Variants in GATC observed in about 807,000 individuals in gnomAD.
GATC encodes glutamyl-tRNA amidotransferase subunit C.
A neutral mutation model predicts 14.4 loss-of-function variants in GATC; 11 were observed. The ratio of observed to expected loss-of-function variants is 0.77; its 90% CI spans 0.48 to 1.27. The LOEUF (loss-of-function observed/expected upper bound fraction) is 1.27, where lower values mean the gene tolerates loss of function less well. Ranked by LOEUF, GATC falls within the 50% of genes most tolerant of loss-of-function variation. The pLI is 0.00. For synonymous variants in GATC, 76 were observed against 79.3 expected (o/e 0.96, Z 0.22); for missense variants, 204 against 183.0 (o/e 1.11, Z -0.66).
At position 120,462,460 on chromosome 12, in the gene GATC, A is replaced by G; in HGVS notation, c.*2501A>G. On this transcript the variant is annotated 3_prime_UTR_variant, in exon 4 of 4. Coordinates refer to ENST00000551765, the MANE Select transcript of GATC (RefSeq NM_176818.3). ...CTATGATAAACAATATATCTGAATT[A>G]CTGCCATTGACCCCCCTCAAAGCTA... The G allele has an allele frequency of 4.2e-6, 1 of 235,704 alleles. No individual in the cohort carries two copies. The highest frequency in any genetic ancestry group is 6.9e-5 in the South Asian group (1 of 14,532). 14.6% of individuals were successfully genotyped at this position (235,704 alleles called of 1,614,324 possible).
intron 2 of GATC, among the ~76,000 whole-genome samples, chr12:120,447,052 CTTTGT>C (rs1480115430): frequency 0.016 from 1,226 of 74,524 alleles, 58 homozygotes; most frequent in Admixed American, 0.1. Flanking sequence ...TAATCACTGC[CTTTGT>C]TTTTTTTTTT....
In GATC at chr12:120,461,639, G is replaced by A. The variant is rs1282687621; in HGVS notation, c.*1680G>A. 1 of 155,134 alleles carries A rather than the reference G, an allele frequency of 6.4e-6. No individual in the cohort carries two copies. The highest frequency in any genetic ancestry group is 2.4e-5 in the African/African-American group (1 of 41,484). 9.6% of individuals were successfully genotyped at this position (155,134 alleles called of 1,614,324 possible). A position where few individuals can be genotyped will look rare whatever the true frequency, so the allele number is the denominator to read the frequency against. ...TTAGTGTGCCTATTTGGTGAAATCT[G>A]TGAACTTAATCAAGGACAACCACAC... On this transcript the variant is annotated 3_prime_UTR_variant, in exon 4 of 4. Coordinates refer to ENST00000551765, the MANE Select transcript of GATC (RefSeq NM_176818.3).
In GATC at chr12:120,446,778, G is replaced by A; in HGVS notation, c.203G>A (p.Arg68His). The change falls in exon 2 of 4, where the codon CGC becomes CAC. Residue 68 changes from arginine (R) to histidine (H), a missense_variant. By Grantham distance (29) the Arg-to-His change is conservative. Coordinates refer to ENST00000551765, the MANE Select transcript of GATC (RefSeq NM_176818.3). ...EKAIAFADRL[R>H]AVDTDGVEPM... ...GCTATCGCCTTCGCCGACCGGCTAC[G>A]CGCCGTGGACACAGACGGGGTGGAG... 2 of 1,613,932 alleles carry A rather than the reference G, an allele frequency of 1.2e-6. No individual in the cohort carries two copies. Among genetic ancestry groups the A allele is most frequent in the Non-Finnish European group, 1.7e-6 (2 of 1,180,034 alleles).
rs2137047250 is a variant in GATC, at chr12:120,460,855, A to G, written c.*896A>G. 1 of 152,150 alleles carries G rather than the reference A, an allele frequency of 6.6e-6. No homozygotes were observed. The highest frequency in any genetic ancestry group is 1.5e-5 in the Non-Finnish European group (1 of 68,012). 9.4% of individuals were successfully genotyped at this position (152,150 alleles called of 1,614,324 possible). A position where few individuals can be genotyped will look rare whatever the true frequency, so the allele number is the denominator to read the frequency against. The stretch of plus-strand genomic sequence containing the variant: ...CTCATCTCTACTAAAAATACAAAAA[A>G]TTAGCTGGGTGTGATGACAGGTGCC... On this transcript the variant is annotated 3_prime_UTR_variant, in exon 4 of 4. Coordinates refer to ENST00000551765, the MANE Select transcript of GATC (RefSeq NM_176818.3).
chr12:120,446,971 G>A, intron 2 of GATC, 142 bp downstream of exon 2: 1 of 730,222 alleles, frequency 1.4e-6, no homozygotes, highest in South Asian at 2.0e-5. Flanking sequence ...TCGCGAGTCA[G>A]TGGCTTCACT....
rs775156072 is a variant in GATC at position 120,462,056 on chromosome 12, C to T, written c.*2097C>T. 1 of 1,611,886 alleles carries T rather than the reference C, an allele frequency of 6.2e-7. No individual in the cohort carries two copies. The highest frequency in any genetic ancestry group is 1.1e-5 in the South Asian group (1 of 90,960). On this transcript the variant is annotated 3_prime_UTR_variant, in exon 4 of 4. Transcript: ENST00000551765. ...GAAAGGAGAGAAGTAGTGTGGGGAA[C>T]CCCTGCTTTGGTATGGAGAGTCACG... is the stretch of plus-strand genomic sequence containing the variant.
intron 2 of GATC, 55 bp from the exon 3 acceptor site, chr12:120,457,021 T>C: frequency 8.9e-7 from 1 of 1,127,186 alleles, no homozygotes; most frequent in Non-Finnish European, 1.4e-6. Flanking sequence ...CTCTCCATCA[T>C]CCCCTAAAAG....
chr12:120,460,255 C>G lies in GATC; in HGVS notation c.*296C>G, dbSNP rs185444465. On this transcript the variant is annotated 3_prime_UTR_variant, in exon 4 of 4. Transcript: ENST00000551765. ...ATTATTTATCTGCCTTTAACTCCCC[C>G]CAAAGGACCATACCAACTGCATGAA... 5.9e-5 allele frequency: 15 copies of G among 252,132 alleles called. No individual in the cohort carries two copies. Among genetic ancestry groups the G allele is most frequent in the Middle Eastern group, 1.3e-3 (1 of 758 alleles). 15.6% of individuals were successfully genotyped at this position (252,132 alleles called of 1,614,324 possible).
chr12:120,449,453 TTTG>T (rs1333800350), intron 2 of GATC, among the ~76,000 whole-genome samples: 1 of 151,978 alleles, frequency 6.6e-6, no homozygotes, highest in Non-Finnish European at 1.5e-5. Flanking sequence ...TTTGTTTTGT[TTTG>T]TTTTGTTTTT....
rs71451885 is a variant in GATC at position 120,448,642 on chromosome 12, C to CTTTTT, written c.254+1830_254+1834dup. Among the ~76,000 whole-genome samples, 68 of 87,454 alleles carry CTTTTT rather than the reference C, an allele frequency of 7.8e-4. 1 individual carries two copies. Among genetic ancestry groups the CTTTTT allele is most frequent in the African/African-American group, 3.1e-3 (60 of 19,442 alleles). 57.4% of individuals were successfully genotyped at this position (87,454 alleles called of 152,430 possible). On this transcript the variant is annotated intron_variant, in intron 2 of 3. Transcript: ENST00000551765. ...CTGCACTGGCCAAAAAAGTCCATTC[C>CTTTTT]TTTTTTTTTTTTTTTTTTTTTGAGA...
Position 120,446,522 on chromosome 12 carries a change from G to A in GATC, c.42G>A (p.Leu14=). ...RLVWLGLRAP[L]GGRQGFTSKA... ...TGTGGCTGGGCCTTCGGGCCCCTCT[G>A]GGCGGGCGCCAGGGCTTCACCTCCA... The change falls in exon 1 of 4, where the codon CTG becomes CTA. Residue 14 remains leucine (L), a synonymous_variant. Coordinates refer to ENST00000551765, the MANE Select transcript of GATC (RefSeq NM_176818.3). The A allele has an allele frequency of 1.2e-6, 2 of 1,603,266 alleles. No homozygotes were observed. Among genetic ancestry groups the A allele is most frequent in the Non-Finnish European group, 1.7e-6 (2 of 1,174,074 alleles).
Position 120,463,194 on chromosome 12 carries a change from C to G in GATC, c.*3235C>G, listed in dbSNP as rs1417604736. 1 of 152,114 alleles carries G rather than the reference C, an allele frequency of 6.6e-6. No homozygotes were observed. The highest frequency in any genetic ancestry group is 1.5e-5 in the Non-Finnish European group (1 of 68,024). The allele number at this position is 152,114 out of a possible 1,614,324, so 9.4% of individuals were successfully genotyped here. ...TCACCACCTCAATCAAACTGAGATC[C>G]AAAACAGCAGCTGCTTTCCTACAAG... On this transcript the variant is annotated 3_prime_UTR_variant, in exon 4 of 4. Transcript: ENST00000551765.
intron 2 of GATC, among the ~76,000 whole-genome samples, chr12:120,451,672 G>T (rs1271934413): frequency 1.3e-5 from 2 of 150,998 alleles, no homozygotes; most frequent in Non-Finnish European, 2.9e-5. Flanking sequence ...AACCTGGGGA[G>T]CAGAGGTTGC....
At position 120,463,262 on chromosome 12, in the gene GATC, A is replaced by T. The variant is rs1878402181; in HGVS notation, c.*3303A>T. The T allele has an allele frequency of 6.6e-6, 1 of 152,162 alleles. No homozygotes were observed. Among genetic ancestry groups the T allele is most frequent in the Non-Finnish European group, 1.5e-5 (1 of 68,030 alleles). 9.4% of individuals were successfully genotyped at this position (152,162 alleles called of 1,614,324 possible). A position where few individuals can be genotyped will look rare whatever the true frequency, so the allele number is the denominator to read the frequency against. On this transcript the variant is annotated 3_prime_UTR_variant, in exon 4 of 4. Transcript: ENST00000551765. ...ACTGAGTCTGAAGGGTGACATAATC[A>T]ACCACAAGAAAATGTTACGGTTTAG...
chr12:120,452,138 A>G (rs1213407823), intron 2 of GATC, among the ~76,000 whole-genome samples: 1 of 152,040 alleles, frequency 6.6e-6, no homozygotes, highest in East Asian at 1.9e-4. Flanking sequence ...TGGCCTCCCA[A>G]AGTGCTGGGA....
Position 120,446,572 on chromosome 12 carries a change from G to A in GATC, c.81+11G>A. On this transcript the variant is annotated intron_variant, in intron 1 of 3. Coordinates refer to ENST00000551765, the MANE Select transcript of GATC (RefSeq NM_176818.3). ...AAGGCGGATCCTCAGGTAAAGGCCAGGGCCATCTAGGCGGGTGGCGGAGCA... is the reference window on the plus strand; with the variant it reads ...AAGGCGGATCCTCAGGTAAAGGCCAAGGCCATCTAGGCGGGTGGCGGAGCA... 6.3e-7 allele frequency: 1 copy of A among 1,595,146 alleles called. No homozygotes were observed. Among genetic ancestry groups the A allele is most frequent in the Non-Finnish European group, 8.5e-7 (1 of 1,170,650 alleles).
chr12:120,454,494 C>T (rs761084241), intron 2 of GATC, among the ~76,000 whole-genome samples: 13 of 152,012 alleles, frequency 8.6e-5, no homozygotes, highest in Non-Finnish European at 1.8e-4. Context: ...GATATCCGCT[C>T]ACTGCAAGCT....
At chr12:120,459,453 C>T (rs1474731250) in intron 3 of GATC, among the ~76,000 whole-genome samples, 1 of 152,200 alleles carries the variant, frequency 6.6e-6, no homozygotes, top group African/African-American at 2.4e-5. Flanking sequence ...CTTTCAGATA[C>T]TCCCAGTTAG....
At chr12:120,454,390 G>C (rs2235222) in intron 2 of GATC, among the ~76,000 whole-genome samples, 31,053 of 152,064 alleles carry the variant, frequency 0.2, 3,541 homozygotes, top group African/African-American at 0.29. Context: ...GTGTAGCAAT[G>C]GGATCTGAAT....
Sources: allele counts gnomAD v4.1 joint callset (sites outside exome capture counted in the v4.1 genomes callset), GRCh38; gene constraint gnomAD v4.1.1; transcripts MANE v1.5; gene names NCBI Gene and HGNC (gene_info 2026-07-23, HGNC 2026-07-21).